The following PRKAB2 variants were observed in gnomAD, a reference collection of about 807,000 sequenced individuals.
The protein encoded by PRKAB2 is protein kinase AMP-activated non-catalytic subunit beta 2.
PRKAB2 carries 18 observed loss-of-function variants against 29.8 expected under a neutral mutation model. The observed-to-expected ratio is 0.60, with a 90% CI of 0.42 to 0.89. The LOEUF is 0.89. PRKAB2 is among the 40% of genes least tolerant of loss of function. The probability of loss-of-function intolerance (pLI) is 0.00; values close to 1 mark genes in which losing one functional copy is unlikely to be tolerated. For synonymous variants in PRKAB2, 136 were observed against 125.9 expected (o/e 1.08, Z -0.54); for missense variants, 270 against 344.3 (o/e 0.78, Z 1.71).
chr1:147,172,233 C>T, intron 1 of PRKAB2, 66 bp from the exon 2 acceptor site: 3 of 1,435,476 alleles, frequency 2.1e-6, no homozygotes, highest in Non-Finnish European at 2.7e-6. Flanking sequence ...CCCCCCGGCC[C>T]CGCCCCTGCG....
intron 5 of PRKAB2, among the ~76,000 whole-genome samples, chr1:147,163,782 ACT>A (rs1654093150): frequency 6.6e-6 from 1 of 152,120 alleles, no homozygotes; most frequent in African/African-American, 2.4e-5. Context: ...TAATCACATA[ACT>A]CTGAATATAC....
rs1300558869 is a variant in PRKAB2, at chr1:147,166,762, G to A, written c.417+84C>T. On this transcript the variant is annotated intron_variant, in intron 4 of 7. Coordinates refer to ENST00000254101, the MANE Select transcript of PRKAB2 (RefSeq NM_005399.5). Reference sequence around the variant, plus strand: ...GAGAGAAATCCTCCAGTGTAGGGGAGCAGCTGCCCATCAGTCTTGACAGAA... The same window carrying A: ...GAGAGAAATCCTCCAGTGTAGGGGAACAGCTGCCCATCAGTCTTGACAGAA... 4 of 1,541,644 alleles carry A rather than the reference G, an allele frequency of 2.6e-6. No homozygotes were observed. The African/African-American group carries it at 5.5e-5, about 21-fold the overall frequency.
chr1:147,170,895 C>T (rs879958132), intron 2 of PRKAB2, among the ~76,000 whole-genome samples: 2 of 152,194 alleles, frequency 1.3e-5, no homozygotes, highest in South Asian at 2.1e-4. Context: ...ATGATGTTAT[C>T]AATTGAGATC....
rs1553912778 is a variant in PRKAB2, at chr1:147,159,285, G to A, written c.*280C>T. On this transcript the variant is annotated 3_prime_UTR_variant, in exon 8 of 8. Coordinates refer to ENST00000254101, the MANE Select transcript of PRKAB2 (RefSeq NM_005399.5). Reference sequence around the variant, plus strand: ...GCAGCGCCCCCAAACAGGTCTTGGTGAAAACCCACAGGCAGAAACAATACT... The same window carrying A: ...GCAGCGCCCCCAAACAGGTCTTGGTAAAAACCCACAGGCAGAAACAATACT... The A allele has an allele frequency of 7.8e-6, 3 of 382,600 alleles. No individual in the cohort carries two copies. The highest frequency in any genetic ancestry group is 9.4e-6 in the Non-Finnish European group (2 of 213,332). The allele number at this position is 382,600 out of a possible 1,614,324, so 23.7% of individuals were successfully genotyped here.
chr1:147,170,997 A>G (rs1400228675), intron 2 of PRKAB2, among the ~76,000 whole-genome samples: 1 of 152,224 alleles, frequency 6.6e-6, no homozygotes, highest in Non-Finnish European at 1.5e-5. Context: ...TTCCCTGGGA[A>G]GTGATGAAAT....
At chr1:147,162,866 TG>T (rs782395556) in intron 5 of PRKAB2, among the ~76,000 whole-genome samples, 6 of 152,194 alleles carry the variant, frequency 3.9e-5, no homozygotes, top group Non-Finnish European at 7.4e-5. Context: ...TGTAGGACCT[TG>T]GAAGAATCCC....
At position 147,162,557 on chromosome 1, in the gene PRKAB2, G is replaced by C; in HGVS notation, c.555C>G (p.Pro185=). 1 of 1,610,544 alleles carries C rather than the reference G, an allele frequency of 6.2e-7. No individual in the cohort carries two copies. Among genetic ancestry groups the C allele is most frequent in the Non-Finnish European group, 8.5e-7 (1 of 1,178,266 alleles). ...ACATTTCTTGACCATAAGGCCCTGG[G>C]GGTGAGCTGGAAAGGTCTGAAAGAT... is the stretch of plus-strand genomic sequence containing the variant. ...ETSCRDLSSS[P]PGPYGQEMYA... Residue 185 remains proline (P), a synonymous_variant, in exon 6 of 8, where the codon CCC becomes CCG. Coordinates refer to ENST00000254101, the MANE Select transcript of PRKAB2 (RefSeq NM_005399.5).
At chr1:147,162,006 A>G (rs781828549) in intron 6 of PRKAB2, among the ~76,000 whole-genome samples, 1 of 152,176 alleles carries the variant, frequency 6.6e-6, no homozygotes. Flanking sequence ...CTCAGCATCT[A>G]CTAATCTTCC....
chr1:147,162,354 G>A (rs1036852), intron 6 of PRKAB2, 86 bp downstream of exon 6: 636,235 of 1,358,550 alleles, frequency 0.47, 162,142 homozygotes, highest in East Asian at 0.88. Flanking sequence ...CACCTCTGTA[G>A]TAATCCTAAC....
Position 147,159,379 on chromosome 1 carries a change from T to C in PRKAB2, c.*186A>G. On this transcript the variant is annotated 3_prime_UTR_variant, in exon 8 of 8. Transcript: ENST00000254101. Reference sequence around the variant, plus strand: ...GTATATTTTTTTTTCTTAAAATAAATTCCGTGAACTCATAAAGCTCTCATC... The same window carrying C: ...GTATATTTTTTTTTCTTAAAATAAACTCCGTGAACTCATAAAGCTCTCATC... 7.5e-6 allele frequency: 4 copies of C among 533,010 alleles called. No homozygotes were observed. In the East Asian group the frequency reaches 1.2e-4, roughly 15 times the overall value. The allele number at this position is 533,010 out of a possible 1,614,324, so 33.0% of individuals were successfully genotyped here. A position where few individuals can be genotyped will look rare whatever the true frequency, so the allele number is the denominator to read the frequency against.
Position 147,155,398 on chromosome 1 carries a change from C to T in PRKAB2, c.*4167G>A, listed in dbSNP as rs1553912324. 6.6e-6 allele frequency: 1 copy of T among 152,532 alleles called. No individual in the cohort carries two copies. 9.4% of individuals were successfully genotyped at this position (152,532 alleles called of 1,614,324 possible). A position where few individuals can be genotyped will look rare whatever the true frequency, so the allele number is the denominator to read the frequency against. On this transcript the variant is annotated 3_prime_UTR_variant, in exon 8 of 8. Transcript: ENST00000254101. ...TGACAGACACAGAGCTGCACTCATTCGAAATGCTGCCGTGTAATACCAACC... is the reference window on the plus strand; with the variant it reads ...TGACAGACACAGAGCTGCACTCATTTGAAATGCTGCCGTGTAATACCAACC...
Position 147,166,611 on chromosome 1 carries a change from A to C in PRKAB2, c.425T>G (p.Val142Gly). 6.2e-7 allele frequency: 1 copy of C among 1,613,636 alleles called. No homozygotes were observed. The highest frequency in any genetic ancestry group is 1.3e-5 in the African/African-American group (1 of 75,010). The change falls in exon 5 of 8, where the codon GTT becomes GGT. Residue 142 changes from valine to glycine, a missense_variant. Around this residue, in one of 2 missense-constraint regions of PRKAB2, gnomAD observed 228 missense variants for 255.5 expected, o/e 0.89. Transcript: ENST00000254101. ...QWVHDPSEPV[V>G]TSQLGTINNL... ...GTTAATTGTGCCAAGCTGACTGGTAACCACAGGCTGAAACAGTGAATAGAA... is the reference window on the plus strand; with the variant it reads ...GTTAATTGTGCCAAGCTGACTGGTACCCACAGGCTGAAACAGTGAATAGAA...
chr1:147,159,407 C>T lies in PRKAB2; in HGVS notation c.*158G>A, dbSNP rs1653837359. On this transcript the variant is annotated 3_prime_UTR_variant, in exon 8 of 8. Transcript: ENST00000254101. ...CGTGAACTCATAAAGCTCTCATCTG[C>T]AATCAAATGCAAAAGCAGAGCATCC... The T allele has an allele frequency of 1.5e-5, 9 of 580,986 alleles. No homozygotes were observed. The South Asian group carries it at 2.2e-4, about 14-fold the overall frequency. 36.0% of individuals were successfully genotyped at this position (580,986 alleles called of 1,614,324 possible). A position where few individuals can be genotyped will look rare whatever the true frequency, so the allele number is the denominator to read the frequency against.
chr1:147,172,226 C>G, intron 1 of PRKAB2, 59 bp from the exon 2 acceptor site: 2 of 1,443,204 alleles, frequency 1.4e-6, no homozygotes, highest in Non-Finnish European at 9.1e-7. Context: ...AGGGGCGCCC[C>G]CCGGCCCCGC....
At chr1:147,161,683 C>G (rs1340732659) in intron 7 of PRKAB2, 29 bp downstream of exon 7, 37 of 1,572,686 alleles carry the variant, frequency 2.4e-5, no homozygotes, top group Non-Finnish European at 2.7e-5. Flanking sequence ...TTCCAGGGAG[C>G]TCTGTGAAGA....
At chr1:147,169,588 C>T (rs1164867174) in intron 2 of PRKAB2, among the ~76,000 whole-genome samples, 1 of 152,016 alleles carries the variant, frequency 6.6e-6, no homozygotes, top group Non-Finnish European at 1.5e-5. Context: ...AAGAAAAAAC[C>T]CTCATCTTTA....
At chr1:147,172,320 C>T in intron 1 of PRKAB2, 109 bp downstream of exon 1, 2 of 866,128 alleles carry the variant, frequency 2.3e-6, no homozygotes, top group Non-Finnish European at 3.4e-6. Flanking sequence ...CCTGCGGGAA[C>T]GCCTGCAAAT....
chr1:147,162,519 G>C lies in PRKAB2; in HGVS notation c.593C>G (p.Ser198Cys). 1 of 1,611,966 alleles carries C rather than the reference G, an allele frequency of 6.2e-7. No individual in the cohort carries two copies. Among genetic ancestry groups the C allele is most frequent in the Non-Finnish European group, 8.5e-7 (1 of 1,178,172 alleles). The change falls in exon 6 of 8, where the codon TCT becomes TGT. Residue 198 changes from serine (S) to cysteine (C), a missense_variant. Physicochemically the swap from Ser to Cys is moderately radical, Grantham distance 112. Around this residue, in one of 2 missense-constraint regions of PRKAB2, gnomAD observed 228 missense variants for 255.5 expected, o/e 0.89. Coordinates refer to ENST00000254101, the MANE Select transcript of PRKAB2 (RefSeq NM_005399.5). ...PYGQEMYAFR[S>C]EERFKSPPIL... ...GGGTGGGGATTTGAATCTTTCCTCAGATCGAAACGCATACATTTCTTGACC... is the reference window on the plus strand; with the variant it reads ...GGGTGGGGATTTGAATCTTTCCTCACATCGAAACGCATACATTTCTTGACC...
intron 5 of PRKAB2, 72 bp downstream of exon 5, chr1:147,166,426 C>A (rs1654254698): frequency 4.1e-6 from 6 of 1,470,796 alleles, no homozygotes; most frequent in Non-Finnish European, 5.6e-6. Flanking sequence ...TATGTATATA[C>A]ACACATAAAC....
Sources: allele counts gnomAD v4.1 joint callset (sites outside exome capture counted in the v4.1 genomes callset), GRCh38; gene constraint gnomAD v4.1.1; regional missense constraint gnomAD v4.1.1; transcripts MANE v1.5; gene names NCBI Gene and HGNC (gene_info 2026-07-23, HGNC 2026-07-21).